Variants in ZNF385D observed in about 807,000 individuals in gnomAD.
ZNF385D encodes the protein zinc finger protein 385D.
A neutral mutation model predicts 35.8 loss-of-function variants in ZNF385D; 15 were observed. The observed-to-expected ratio is 0.42, with a 90% CI of 0.28 to 0.64. ZNF385D has a LOEUF of 0.64. ZNF385D is among the 30% of genes least tolerant of loss of function. ZNF385D has a pLI of 0.23. For synonymous variants in ZNF385D, 212 were observed against 186.8 expected, an observed-to-expected ratio of 1.13 and a Z score of -1.10; for missense variants, 474 against 494.6, an observed-to-expected ratio of 0.96 and a Z score of 0.39.
intron 2 of ZNF385D, among the ~76,000 whole-genome samples, chr3:22,354,628 G>C (rs1052040301): frequency 1.3e-5 from 2 of 151,804 alleles, no homozygotes; most frequent in Admixed American, 6.6e-5. Flanking sequence ...GGTTTTAATG[G>C]TATAACAATA....
At chr3:21,968,094 T>C (rs969667791) in intron 3 of ZNF385D, among the ~76,000 whole-genome samples, 1 of 152,142 alleles carries the variant, frequency 6.6e-6, no homozygotes, top group African/African-American at 2.4e-5. Context: ...AGTATCCATG[T>C]GCTTGAGGGA....
rs532011493 is a variant in ZNF385D at position 21,711,114 on chromosome 3, T to G, written c.22+39781A>C. ...TGGAGTGCAGTGGCGTGATCTCGGC[T>G]CACTGCAACTTCCGCCTCCCGTGTT... On this transcript the variant is annotated intron_variant, in intron 1 of 7. Transcript: ENST00000281523. Among the ~76,000 whole-genome samples, 4 of 137,546 alleles carry G rather than the reference T, an allele frequency of 2.9e-5. No homozygotes were observed. In the East Asian group the frequency reaches 9.5e-4, roughly 33 times the overall value. 90.2% of individuals were successfully genotyped at this position (137,546 alleles called of 152,430 possible).
intron 4 of ZNF385D, among the ~76,000 whole-genome samples, chr3:21,446,653 C>A (rs565672685): frequency 6.6e-6 from 1 of 151,930 alleles, no homozygotes; most frequent in Admixed American, 6.6e-5. Context: ...GCCACCACAC[C>A]TGGCTAATTT....
intron 3 of ZNF385D, among the ~76,000 whole-genome samples, chr3:21,791,671 T>C (rs1488425884): frequency 6.6e-6 from 1 of 152,210 alleles, no homozygotes; most frequent in Non-Finnish European, 1.5e-5. Flanking sequence ...TGAAAACTAA[T>C]ACAAAGTTTA....
chr3:22,077,621 A>C (rs1700529500), intron 3 of ZNF385D, among the ~76,000 whole-genome samples: 1 of 151,960 alleles, frequency 6.6e-6, no homozygotes, highest in African/African-American at 2.4e-5. Flanking sequence ...AGAATCAAAT[A>C]AATATTTGAT....
At chr3:22,120,305 T>C (rs1703024949) in intron 3 of ZNF385D, among the ~76,000 whole-genome samples, 1 of 149,802 alleles carries the variant, frequency 6.7e-6, no homozygotes, top group African/African-American at 2.4e-5. Flanking sequence ...CTTTGGCCTC[T>C]TTCCTCAGCT....
At chr3:22,165,142 T>C (rs1315157996) in intron 3 of ZNF385D, among the ~76,000 whole-genome samples, 1 of 152,204 alleles carries the variant, frequency 6.6e-6, no homozygotes, top group Admixed American at 6.5e-5. Context: ...TAAACACTCA[T>C]GTAAACTATA....
chr3:22,108,665 C>T (rs1028182008), intron 3 of ZNF385D, among the ~76,000 whole-genome samples: 3 of 152,052 alleles, frequency 2.0e-5, no homozygotes, highest in Non-Finnish European at 4.4e-5. Flanking sequence ...GTGAAGTGAA[C>T]GTAGTTTATA....
At chr3:21,745,994 A>G (rs1002967790) in intron 1 of ZNF385D, among the ~76,000 whole-genome samples, 4 of 152,228 alleles carry the variant, frequency 2.6e-5, no homozygotes, top group African/African-American at 9.6e-5. Flanking sequence ...GAATACATAA[A>G]TGCTATGACT....
At chr3:22,249,469 C>T (rs1048114073) in intron 2 of ZNF385D, among the ~76,000 whole-genome samples, 2 of 152,062 alleles carry the variant, frequency 1.3e-5, no homozygotes, top group African/African-American at 4.8e-5. Flanking sequence ...GCGTATTCTC[C>T]CTGTCATTAT....
intron 1 of ZNF385D, among the ~76,000 whole-genome samples, chr3:21,748,362 A>G (rs186867793): frequency 6.9e-6 from 1 of 144,928 alleles, no homozygotes; most frequent in Admixed American, 6.9e-5. Context: ...AGGAGGAATG[A>G]ATTGAAGCAG....
chr3:22,196,425 A>G (rs961459956), intron 2 of ZNF385D, among the ~76,000 whole-genome samples: 1 of 152,040 alleles, frequency 6.6e-6, no homozygotes, highest in African/African-American at 2.4e-5. Flanking sequence ...AAACACATAT[A>G]TTTGAATTTA....
intron 2 of ZNF385D, among the ~76,000 whole-genome samples, chr3:22,222,847 C>T (rs553596727): frequency 5.3e-5 from 8 of 152,140 alleles, no homozygotes; most frequent in Admixed American, 6.5e-5. Context: ...ATAAGAACCA[C>T]GAGTCTTTTT....
chr3:21,647,707 C>A (rs2065794277), intron 2 of ZNF385D, among the ~76,000 whole-genome samples: 1 of 152,082 alleles, frequency 6.6e-6, no homozygotes, highest in African/African-American at 2.4e-5. Context: ...CTGGTGTAAT[C>A]AAATAATTTC....
intron 2 of ZNF385D, among the ~76,000 whole-genome samples, chr3:22,313,067 C>A (rs568314651): frequency 2.4e-4 from 37 of 151,962 alleles, no homozygotes; most frequent in African/African-American, 8.7e-4. Context: ...TACTATGCAG[C>A]CATAAAAAAT....
intron 2 of ZNF385D, among the ~76,000 whole-genome samples, chr3:22,344,074 G>C (rs1237903940): frequency 2.0e-5 from 3 of 151,548 alleles, no homozygotes; most frequent in African/African-American, 7.3e-5. Context: ...TGAACTAATT[G>C]CATATATTGT....
At chr3:22,319,851 T>A (rs756589068) in intron 2 of ZNF385D, among the ~76,000 whole-genome samples, 9 of 151,632 alleles carry the variant, frequency 5.9e-5, no homozygotes, top group African/African-American at 1.9e-4. Flanking sequence ...CTTCTGAAAA[T>A]TTTTTTTTAA....
At chr3:22,134,653 C>T (rs1205183590) in intron 3 of ZNF385D, among the ~76,000 whole-genome samples, 1 of 152,122 alleles carries the variant, frequency 6.6e-6, no homozygotes, top group East Asian at 1.9e-4. Context: ...GCTACTACAA[C>T]AGAATCCCTA....
chr3:22,124,714 C>A (rs1374290672), intron 3 of ZNF385D, among the ~76,000 whole-genome samples: 2 of 152,024 alleles, frequency 1.3e-5, no homozygotes, highest in African/African-American at 4.8e-5. Flanking sequence ...ATTTGTATGT[C>A]TTTTTTGCGA....
Sources: gnomAD v4.1 joint callset for allele counts (sites outside exome capture counted in the v4.1 genomes callset) on GRCh38, gnomAD v4.1.1 for gene constraint, MANE v1.5 for transcripts, NCBI Gene and HGNC (gene_info 2026-07-23, HGNC 2026-07-21) for gene names.